TNFSF4: variants seen among roughly 807,000 people sequenced by gnomAD.
TNFSF4 encodes the protein TNF superfamily member 4.
Under a neutral mutation model 7.3 loss-of-function variants are expected in TNFSF4, and 4 were observed. The ratio of observed to expected loss-of-function variants is 0.55; its 90% confidence interval spans 0.27 to 1.25. The LOEUF (loss-of-function observed/expected upper bound fraction) is 1.25, where lower values mean the gene tolerates loss of function less well. Ranked by LOEUF, TNFSF4 falls within the 50% of genes most tolerant of loss-of-function variation. The pLI, the probability that TNFSF4 is intolerant of heterozygous loss-of-function variation, is 0.12. For synonymous variants in TNFSF4, 76 were observed against 83.7 expected (o/e 0.91, Z 0.50); for missense variants, 181 against 208.8 (o/e 0.87, Z 0.82).
the TNFSF4 span, among the ~76,000 whole-genome samples, chr1:173,414,592 A>G: frequency 6.6e-6 from 1 of 152,242 alleles, no homozygotes; most frequent in African/African-American, 2.4e-5. Flanking sequence ...AGTCTTTCTT[A>G]TCAAATCTTG....
At chr1:173,312,941 G>A in the TNFSF4 span, among the ~76,000 whole-genome samples, 1 of 152,040 alleles carries the variant, frequency 6.6e-6, no homozygotes, top group African/African-American at 2.4e-5. Context: ...CTCTTTTCCA[G>A]GACACAAGGC....
chr1:173,338,653 T>C, the TNFSF4 span, among the ~76,000 whole-genome samples: 3 of 152,086 alleles, frequency 2.0e-5, no homozygotes, highest in African/African-American at 7.2e-5. Context: ...GGTCCAGAAA[T>C]CAAGAATGCA....
chr1:173,450,560 A>T, the TNFSF4 span, among the ~76,000 whole-genome samples: 1 of 151,840 alleles, frequency 6.6e-6, no homozygotes, highest in Non-Finnish European at 1.5e-5. Flanking sequence ...TATTTAAAAG[A>T]TATTAATAAT....
the TNFSF4 span, among the ~76,000 whole-genome samples, chr1:173,337,546 C>T: frequency 2.0e-5 from 3 of 152,128 alleles, no homozygotes; most frequent in Non-Finnish European, 4.4e-5. Context: ...GAAAACTGAG[C>T]CTTGGTTTAC....
chr1:173,242,004 T>C, the TNFSF4 span, among the ~76,000 whole-genome samples: 6 of 152,196 alleles, frequency 3.9e-5, no homozygotes, highest in African/African-American at 1.4e-4. Context: ...GTCTCGAAGA[T>C]GTCAAAGAAG....
At chr1:173,393,122 G>A in the TNFSF4 span, among the ~76,000 whole-genome samples, 10 of 152,280 alleles carry the variant, frequency 6.6e-5, no homozygotes, top group South Asian at 2.1e-4. Flanking sequence ...AGCCAGAGAC[G>A]TAGATGAGGG....
chr1:173,210,064 G>T (rs1213995646), upstream of TNFSF4, among the ~76,000 whole-genome samples: 1 of 149,950 alleles, frequency 6.7e-6, no homozygotes, highest in African/African-American at 2.4e-5. Flanking sequence ...TGAGGGTTTT[G>T]TTGTTGTTTG....
chr1:173,368,779 C>A, the TNFSF4 span, among the ~76,000 whole-genome samples: 1 of 152,188 alleles, frequency 6.6e-6, no homozygotes, highest in Non-Finnish European at 1.5e-5. Flanking sequence ...GCCCATCTAT[C>A]CTATCTATCC....
At chr1:173,356,822 C>G in the TNFSF4 span, among the ~76,000 whole-genome samples, 612 of 152,150 alleles carry the variant, frequency 4.0e-3, 5 homozygotes, top group African/African-American at 0.013. Context: ...GAGGCAAGCT[C>G]TATGTAGAAA....
At chr1:173,217,157 A>G in the TNFSF4 span, among the ~76,000 whole-genome samples, 5 of 152,164 alleles carry the variant, frequency 3.3e-5, no homozygotes, top group Non-Finnish European at 7.4e-5. Flanking sequence ...TTATGCATGT[A>G]TGTGCTTGTC....
upstream of TNFSF4, among the ~76,000 whole-genome samples, chr1:173,209,590 G>C (rs1161637659): frequency 6.6e-6 from 1 of 152,084 alleles, no homozygotes; most frequent in Non-Finnish European, 1.5e-5. Flanking sequence ...CTGTAATCCG[G>C]AACTCCTGGG....
At chr1:173,372,002 T>C in the TNFSF4 span, among the ~76,000 whole-genome samples, 1 of 152,206 alleles carries the variant, frequency 6.6e-6, no homozygotes, top group Admixed American at 6.5e-5. Flanking sequence ...AGTATGTGGA[T>C]TATTTACTTT....
the TNFSF4 span, among the ~76,000 whole-genome samples, chr1:173,273,818 T>A: frequency 2.6e-5 from 4 of 152,106 alleles, no homozygotes; most frequent in East Asian, 7.7e-4. Context: ...GCATAGAATA[T>A]AGCAAACTAT....
the TNFSF4 span, among the ~76,000 whole-genome samples, chr1:173,338,853 C>T: frequency 6.6e-6 from 1 of 152,124 alleles, no homozygotes; most frequent in South Asian, 2.1e-4. Context: ...GCCTCTGAAA[C>T]AGCATGTAAA....
chr1:173,447,619 CTG>C, the TNFSF4 span, among the ~76,000 whole-genome samples: 1 of 151,610 alleles, frequency 6.6e-6, no homozygotes, highest in Non-Finnish European at 1.5e-5. Flanking sequence ...AAAAAATACA[CTG>C]TGTGAAGTTA....
At chr1:173,350,661 C>T in the TNFSF4 span, among the ~76,000 whole-genome samples, 1 of 152,182 alleles carries the variant, frequency 6.6e-6, no homozygotes, top group African/African-American at 2.4e-5. Context: ...TGTAGCAGCT[C>T]TCTGCAATCC....
At chr1:173,396,514 C>T in the TNFSF4 span, among the ~76,000 whole-genome samples, 1 of 151,978 alleles carries the variant, frequency 6.6e-6, no homozygotes, top group Non-Finnish European at 1.5e-5. Context: ...TGCCTCAATA[C>T]AAAAAAATAC....
intron 1 of TNFSF4, chr1:173,205,480 G>C: frequency 1.3e-6 from 2 of 1,501,384 alleles, no homozygotes; most frequent in Non-Finnish European, 1.8e-6. Flanking sequence ...GTACAACTGT[G>C]GTTCACCTTT....
upstream of TNFSF4, among the ~76,000 whole-genome samples, chr1:173,209,283 C>T (rs1650299231): frequency 6.6e-6 from 1 of 152,144 alleles, no homozygotes; most frequent in Non-Finnish European, 1.5e-5. Context: ...GTTTCAGGCA[C>T]AGATTTCTGA....
Sources: gnomAD v4.1 joint callset for allele counts (sites outside exome capture counted in the v4.1 genomes callset) on GRCh38, gnomAD v4.1.1 for gene constraint, MANE v1.5 for transcripts, NCBI Gene and HGNC (gene_info 2026-07-23, HGNC 2026-07-21) for gene names.